Variants in MPPED2 observed in about 807,000 individuals in gnomAD.
The protein encoded by MPPED2 is metallophosphoesterase MPPED2.
In MPPED2, 5 loss-of-function variants were observed where a neutral mutation model predicts 33.0. The observed-to-expected ratio is 0.15, with a 90% CI of 0.08 to 0.32. The LOEUF (loss-of-function observed/expected upper bound fraction) is 0.32. Ranked by LOEUF, MPPED2 falls within the 10% of genes least tolerant of loss-of-function variation. The probability of loss-of-function intolerance (pLI) is 1.00; values close to 1 mark genes in which losing one functional copy is unlikely to be tolerated. For missense variants in MPPED2, 275 were observed against 372.1 expected (o/e 0.74, Z 2.15); for synonymous variants, 136 against 141.9 (o/e 0.96, Z 0.29).
At chr11:30,472,213 C>CAGCCAGAGG (rs1393442759) in intron 4 of MPPED2, among the ~76,000 whole-genome samples, 4 of 152,046 alleles carry the variant, frequency 2.6e-5, no homozygotes, top group African/African-American at 9.7e-5. Flanking sequence ...ACTAAAAAAC[C>CAGCCAGAGG]AGCCAGAGGT....
chr11:30,562,804 A>T (rs1018390103), intron 2 of MPPED2, among the ~76,000 whole-genome samples: 3 of 152,172 alleles, frequency 2.0e-5, no homozygotes, highest in African/African-American at 4.8e-5. Context: ...AGTACAGCAC[A>T]AAAGTACTTT....
At chr11:30,450,155 C>G (rs982415354) in intron 4 of MPPED2, among the ~76,000 whole-genome samples, 2 of 152,182 alleles carry the variant, frequency 1.3e-5, no homozygotes, top group Non-Finnish European at 2.9e-5. Context: ...CTTTTTTCCC[C>G]CTTCTTTATT....
chr11:30,439,388 A>G (rs1192420660), intron 4 of MPPED2, among the ~76,000 whole-genome samples: 2 of 152,200 alleles, frequency 1.3e-5, no homozygotes, highest in Non-Finnish European at 2.9e-5. Flanking sequence ...TTTTTTATTA[A>G]GAAATAGTCT....
chr11:30,386,019 C>G (rs1947699087), exon 7 of MPPED2: 1 of 152,076 alleles, frequency 6.6e-6, no homozygotes, highest in African/African-American at 2.4e-5. Context: ...GGCCAGGACC[C>G]CTTCTTATTC....
intron 2 of MPPED2, among the ~76,000 whole-genome samples, chr11:30,579,048 C>T (rs184232262): frequency 6.8e-6 from 1 of 147,968 alleles, no homozygotes; most frequent in Non-Finnish European, 1.5e-5. Context: ...TTTAAAACGG[C>T]TGCTTTGCAG....
intron 3 of MPPED2, among the ~76,000 whole-genome samples, chr11:30,523,305 G>T (rs376273804): frequency 1.3e-5 from 2 of 152,076 alleles, no homozygotes; most frequent in African/African-American, 4.8e-5. Context: ...AGGCAGGCTG[G>T]GGGGAGGTGG....
chr11:30,512,355 C>T (rs759815987), intron 3 of MPPED2, among the ~76,000 whole-genome samples: 17 of 152,154 alleles, frequency 1.1e-4, no homozygotes, highest in Non-Finnish European at 2.1e-4. Flanking sequence ...CATTAGGAAG[C>T]CATGGCACCT....
At chr11:30,508,099 A>G (rs1952941184) in intron 3 of MPPED2, among the ~76,000 whole-genome samples, 1 of 152,198 alleles carries the variant, frequency 6.6e-6, no homozygotes. Context: ...TAATTAAGGC[A>G]CAAAGTATTC....
chr11:30,457,520 C>G (rs577371640), intron 4 of MPPED2, among the ~76,000 whole-genome samples: 1 of 151,980 alleles, frequency 6.6e-6, no homozygotes, highest in Non-Finnish European at 1.5e-5. Context: ...CTAATAATAC[C>G]AACAAGTAAA....
downstream of MPPED2, among the ~76,000 whole-genome samples, chr11:30,384,210 G>C (rs1046296082): frequency 1.3e-5 from 2 of 152,094 alleles, no homozygotes; most frequent in African/African-American, 4.8e-5. Flanking sequence ...CTTGATGTTA[G>C]TGCACAAGAA....
intron 4 of MPPED2, among the ~76,000 whole-genome samples, chr11:30,481,041 A>G (rs1951462637): frequency 6.6e-6 from 1 of 152,142 alleles, no homozygotes; most frequent in African/African-American, 2.4e-5. Context: ...GGAAAAAGTG[A>G]GGAAATGCAC....
intron 3 of MPPED2, among the ~76,000 whole-genome samples, chr11:30,511,343 T>C (rs529653880): frequency 2.0e-5 from 3 of 152,208 alleles, no homozygotes; most frequent in Non-Finnish European, 2.9e-5. Flanking sequence ...TATATTCAGG[T>C]GGGAGCAACA....
chr11:30,462,971 A>G (rs1565092493), intron 4 of MPPED2, among the ~76,000 whole-genome samples: 1 of 152,206 alleles, frequency 6.6e-6, no homozygotes, highest in Non-Finnish European at 1.5e-5. Context: ...TTGGAGGGAG[A>G]AAAGTTGACT....
chr11:30,498,582 C>A (rs1343677326), intron 3 of MPPED2, among the ~76,000 whole-genome samples: 1 of 151,200 alleles, frequency 6.6e-6, no homozygotes, highest in African/African-American at 2.4e-5. Flanking sequence ...ACCAACCAAC[C>A]AGTTTCATCG....
At chr11:30,545,256 G>T (rs1056767758) in intron 2 of MPPED2, among the ~76,000 whole-genome samples, 1 of 152,230 alleles carries the variant, frequency 6.6e-6, no homozygotes, top group East Asian at 1.9e-4. Flanking sequence ...CTTGAGGAAA[G>T]GTTGGTTTGT....
intron 4 of MPPED2, among the ~76,000 whole-genome samples, chr11:30,422,034 G>A (rs562933481): frequency 1.8e-4 from 27 of 152,206 alleles, no homozygotes; most frequent in Non-Finnish European, 2.8e-4. Context: ...GTGGGGAGAT[G>A]TGTGTGCTAA....
chr11:30,515,807 A>T (rs1261403668), intron 3 of MPPED2, among the ~76,000 whole-genome samples: 1 of 152,212 alleles, frequency 6.6e-6, no homozygotes, highest in Non-Finnish European at 1.5e-5. Flanking sequence ...ACAGACATAG[A>T]ATAGCCTTTA....
intron 2 of MPPED2, among the ~76,000 whole-genome samples, chr11:30,573,552 C>G (rs1956796237): frequency 6.6e-6 from 1 of 152,176 alleles, no homozygotes. Context: ...CCTGTTACTG[C>G]TCCTGAAGAC....
chr11:30,421,850 C>T (rs955759019), intron 4 of MPPED2, among the ~76,000 whole-genome samples: 4 of 152,118 alleles, frequency 2.6e-5, no homozygotes, highest in Admixed American at 6.5e-5. Flanking sequence ...ATTGTGCAAC[C>T]GAGGTGGCCT....
Sources: allele counts gnomAD v4.1 joint callset (sites outside exome capture counted in the v4.1 genomes callset), GRCh38; gene constraint gnomAD v4.1.1; transcripts MANE v1.5; gene names NCBI Gene and HGNC (gene_info 2026-07-23, HGNC 2026-07-21).